Variants in DACH1 observed in about 807,000 individuals in gnomAD.
DACH1 encodes the protein dachshund homolog 1.
DACH1 carries 12 observed loss-of-function variants against 54.2 expected under a neutral mutation model. That is an observed-to-expected ratio of 0.22 (90% CI 0.14 to 0.36). DACH1 has a LOEUF of 0.36. DACH1 is among the 10% of genes least tolerant of loss of function. The pLI, the probability that DACH1 is intolerant of heterozygous loss-of-function variation, is 1.00. For synonymous variants in DACH1, 386 were observed against 366.2 expected, an observed-to-expected ratio of 1.05 and a Z score of -0.62; for missense variants, 805 against 929.8, an observed-to-expected ratio of 0.87 and a Z score of 1.75.
Position 71,701,827 on chromosome 13 carries a change from G to A in DACH1, c.849-19917C>T, listed in dbSNP as rs80193898. ...GAGGTGTGAAGGTTTGTTCAATTCCGTACTGTTTTACAGTGTTTGATTATA... is the reference window on the plus strand; with the variant it reads ...GAGGTGTGAAGGTTTGTTCAATTCCATACTGTTTTACAGTGTTTGATTATA... On this transcript the variant is annotated intron_variant, in intron 1 of 10. Coordinates refer to ENST00000613252, the MANE Select transcript of DACH1 (RefSeq NM_080759.6). Among the ~76,000 whole-genome samples, 851 of 152,210 alleles carry A rather than the reference G, an allele frequency of 5.6e-3. 9 individuals carry two copies. The highest frequency in any genetic ancestry group is 0.019 in the African/African-American group (806 of 41,542).
At chr13:71,471,536 G>A (rs1266827651) in intron 10 of DACH1, among the ~76,000 whole-genome samples, 13 of 151,988 alleles carry the variant, frequency 8.6e-5, no homozygotes, top group African/African-American at 1.2e-4. Flanking sequence ...CAAGCTGGGC[G>A]GATCACAAGG....
intron 3 of DACH1, among the ~76,000 whole-genome samples, chr13:71,589,667 T>G (rs371251111): frequency 3.9e-5 from 6 of 151,926 alleles, no homozygotes; most frequent in African/African-American, 9.7e-5. Flanking sequence ...GACGTTTTGA[T>G]TCACCTAAAA....
chr13:71,490,929 C>T (rs1424713985), intron 6 of DACH1, among the ~76,000 whole-genome samples: 1 of 152,126 alleles, frequency 6.6e-6, no homozygotes, highest in East Asian at 1.9e-4. Context: ...AGGCATAGAA[C>T]CAGATGACCA....
At chr13:71,519,181 A>C (rs1196358578) in intron 6 of DACH1, among the ~76,000 whole-genome samples, 1 of 151,886 alleles carries the variant, frequency 6.6e-6, no homozygotes, top group Non-Finnish European at 1.5e-5. Flanking sequence ...AATCATTCTA[A>C]ATAGTCTAGT....
In DACH1 at chr13:71,528,648, T is replaced by C. The variant is rs1882188642; in HGVS notation, c.1570+28376A>G. Among the ~76,000 whole-genome samples, 3 of 151,970 alleles carry C rather than the reference T, an allele frequency of 2.0e-5. No homozygotes were observed. In the South Asian group the frequency reaches 6.2e-4, roughly 32 times the overall value. ...CGTTTCACCCTGTTAGCCAAGATGG[T>C]CTCGATCTCCTGACCTCGTGATCCA... is the stretch of plus-strand genomic sequence containing the variant. On this transcript the variant is annotated intron_variant, in intron 6 of 10. Transcript: ENST00000613252.
At chr13:71,505,736 A>G (rs1880261740) in intron 6 of DACH1, among the ~76,000 whole-genome samples, 1 of 152,164 alleles carries the variant, frequency 6.6e-6, no homozygotes, top group South Asian at 2.1e-4. Flanking sequence ...ATTCCTTCTC[A>G]TATACTAAGA....
intron 3 of DACH1, among the ~76,000 whole-genome samples, chr13:71,618,448 A>G (rs754710638): frequency 6.6e-6 from 1 of 152,098 alleles, no homozygotes; most frequent in Non-Finnish European, 1.5e-5. Context: ...ATCAATTAGA[A>G]GTTAAAGTCT....
chr13:71,651,668 CTGTATCTGTATCTGTATATGTATA>C (rs1209117614), intron 2 of DACH1, among the ~76,000 whole-genome samples: 51 of 126,090 alleles, frequency 4.0e-4, no homozygotes, highest in African/African-American at 1.5e-3. Flanking sequence ...GTATCTGTAT[CTGTATCTGTATCTGTATATGTATA>C]TGTATATGTA....
At chr13:71,454,622 G>T (rs2138124510) in intron 10 of DACH1, among the ~76,000 whole-genome samples, 2 of 152,330 alleles carry the variant, frequency 1.3e-5, no homozygotes, top group South Asian at 4.1e-4. Flanking sequence ...GGAACTGATG[G>T]TGGCCTCTGG....
chr13:71,754,840 C>A (rs303970), intron 1 of DACH1, among the ~76,000 whole-genome samples: 28,954 of 151,600 alleles, frequency 0.19, 4,965 homozygotes, highest in East Asian at 0.47. Flanking sequence ...TAATAAAAAA[C>A]AAAGAGGTAG....
intron 2 of DACH1, among the ~76,000 whole-genome samples, chr13:71,648,449 T>G (rs1878451777): frequency 6.6e-6 from 1 of 152,142 alleles, no homozygotes; most frequent in African/African-American, 2.4e-5. Flanking sequence ...GAGACAACAA[T>G]AGCTTTAAGA....
chr13:71,567,473 T>C (rs961383302), intron 4 of DACH1, among the ~76,000 whole-genome samples: 3 of 151,440 alleles, frequency 2.0e-5, no homozygotes, highest in African/African-American at 7.3e-5. Flanking sequence ...GAGACAGAGG[T>C]CTCACCATAG....
intron 7 of DACH1, among the ~76,000 whole-genome samples, chr13:71,486,850 ATCTATCTATCTG>A (rs1277053327): frequency 1.2e-3 from 154 of 124,256 alleles, no homozygotes; most frequent in Non-Finnish European, 2.2e-3. Flanking sequence ...CTATCTATCT[ATCTATCTATCTG>A]AGATGGAGTT....
rs529420365 is a variant in DACH1 at position 71,500,344 on chromosome 13, C to T, written c.1571-11196G>A. Among the ~76,000 whole-genome samples, 3 of 152,144 alleles carry T rather than the reference C, an allele frequency of 2.0e-5. No individual in the cohort carries two copies. In the East Asian group the frequency reaches 5.8e-4, roughly 29 times the overall value. ...CATCACAGGGTGCCATAGTTTGATA[C>T]CCTGTTCTCTTCTTATCAGCTCTGC... On this transcript the variant is annotated intron_variant, in intron 6 of 10. Coordinates refer to ENST00000613252, the MANE Select transcript of DACH1 (RefSeq NM_080759.6).
In DACH1 at chr13:71,814,326, C is replaced by T. The variant is rs138594269; in HGVS notation, c.848+51596G>A. 4.6e-3 allele frequency among the ~76,000 whole-genome samples: 696 copies of T among 152,346 alleles called. 2 individuals carry two copies. Among genetic ancestry groups the T allele is most frequent in the Middle Eastern group, 0.02 (6 of 294 alleles). ...GAATTAAATAAGTATAAATTGTTTA[C>T]ATCCATTTACTTAGAATACTTTGTG... On this transcript the variant is annotated intron_variant, in intron 1 of 10. Coordinates refer to ENST00000613252, the MANE Select transcript of DACH1 (RefSeq NM_080759.6).
At chr13:71,474,299 G>A (rs543721629) in intron 10 of DACH1, among the ~76,000 whole-genome samples, 90 of 152,194 alleles carry the variant, frequency 5.9e-4, no homozygotes, top group African/African-American at 2.0e-3. Flanking sequence ...CACAATTAAC[G>A]TCATATGATA....
At chr13:71,628,352 AT>A (rs1876822041) in intron 3 of DACH1, among the ~76,000 whole-genome samples, 2 of 152,068 alleles carry the variant, frequency 1.3e-5, no homozygotes, top group African/African-American at 2.4e-5. Context: ...GATATTATAA[AT>A]TGGAAATTCT....
intron 1 of DACH1, among the ~76,000 whole-genome samples, chr13:71,736,580 A>G (rs1408053998): frequency 1.3e-5 from 2 of 152,204 alleles, no homozygotes; most frequent in African/African-American, 4.8e-5. Context: ...GAAATGAAAA[A>G]GTGAAAGCAC....
intron 6 of DACH1, among the ~76,000 whole-genome samples, chr13:71,493,702 G>C (rs1169877625): frequency 6.6e-6 from 1 of 151,896 alleles, no homozygotes; most frequent in East Asian, 1.9e-4. Context: ...ACAAATGTAG[G>C]ACCACACAAA....
Sources: allele counts gnomAD v4.1 joint callset (sites outside exome capture counted in the v4.1 genomes callset), GRCh38; gene constraint gnomAD v4.1.1; transcripts MANE v1.5; gene names NCBI Gene and HGNC (gene_info 2026-07-23, HGNC 2026-07-21).